The following HTR3B variants were observed in gnomAD, a reference collection of about 807,000 sequenced individuals.
The protein encoded by HTR3B is 5-hydroxytryptamine (serotonin) receptor 3B, ionotropic.
Under a neutral mutation model 42.8 loss-of-function variants are expected in HTR3B, and 44 were observed. The ratio of observed to expected loss-of-function variants is 1.03; its 90% CI spans 0.81 to 1.32. The LOEUF (loss-of-function observed/expected upper bound fraction) is 1.32. Ranked by LOEUF, HTR3B falls within the 40% of genes most tolerant of loss-of-function variation. The pLI is 0.00. For synonymous variants in HTR3B, 203 were observed against 209.0 expected (o/e 0.97, Z 0.25); for missense variants, 527 against 536.5 (o/e 0.98, Z 0.17).
rs745921648 is a variant in HTR3B, at chr11:113,946,175, G to GGA, written c.*46_*47dup. 1.8e-5 allele frequency: 27 copies of GGA among 1,482,030 alleles called. No individual in the cohort carries two copies. In the African/African-American group the frequency reaches 3.6e-4, roughly 20 times the overall value. 91.8% of individuals were successfully genotyped at this position (1,482,030 alleles called of 1,614,324 possible). Reference sequence around the variant, plus strand: ...TCTTCAGTAATTGTGCTGGCACTTAGGAGAGAGAGGAGGGGGAATAATAGT... The same window carrying GGA: ...TCTTCAGTAATTGTGCTGGCACTTAGGAGAGAGAGAGGAGGGGGAATAATAGT... On this transcript the variant is annotated 3_prime_UTR_variant, in exon 9 of 9. Transcript: ENST00000260191.
intron 2 of HTR3B, among the ~76,000 whole-genome samples, chr11:113,927,666 G>A (rs927099708): frequency 6.6e-6 from 1 of 151,628 alleles, no homozygotes; most frequent in Admixed American, 6.6e-5. Context: ...GGGTTCAAGC[G>A]ATTCTCCTAC....
chr11:113,899,113 A>G, the HTR3B span, among the ~76,000 whole-genome samples: 1 of 152,164 alleles, frequency 6.6e-6, no homozygotes, highest in African/African-American at 2.4e-5. Flanking sequence ...CTGGGACCTT[A>G]TATCTTATGC....
At chr11:113,936,734 C>T (rs1950095190) in intron 6 of HTR3B, among the ~76,000 whole-genome samples, 1 of 152,148 alleles carries the variant, frequency 6.6e-6, no homozygotes, top group Admixed American at 6.5e-5. Context: ...GTTGGGAATG[C>T]TGGGAGGGGC....
chr11:113,932,856 T>G, intron 5 of HTR3B, 80 bp from the exon 6 acceptor site: 1 of 1,443,986 alleles, frequency 6.9e-7, no homozygotes, highest in Non-Finnish European at 9.6e-7. Context: ...GAGGAAGGAT[T>G]CGAATTGGGA....
chr11:113,900,872 G>C (rs979979823), upstream of HTR3B, among the ~76,000 whole-genome samples: 1 of 152,100 alleles, frequency 6.6e-6, no homozygotes, highest in Non-Finnish European at 1.5e-5. Context: ...TGGAGAGAGA[G>C]AGAGAAGGGG....
intron 6 of HTR3B, among the ~76,000 whole-genome samples, chr11:113,938,927 G>A (rs935982452): frequency 1.3e-5 from 2 of 152,046 alleles, no homozygotes; most frequent in Non-Finnish European, 1.5e-5. Flanking sequence ...CCTGTGAGGC[G>A]GAGGTTGCAG....
chr11:113,921,060 A>C (rs951449359), intron 2 of HTR3B, among the ~76,000 whole-genome samples: 11 of 149,930 alleles, frequency 7.3e-5, no homozygotes, highest in Non-Finnish European at 1.6e-4. Context: ...TGATCCACCC[A>C]CCTCAGCCTC....
chr11:113,939,288 ACT>A (rs1336482255), intron 6 of HTR3B, among the ~76,000 whole-genome samples: 1 of 152,152 alleles, frequency 6.6e-6, no homozygotes, highest in African/African-American at 2.4e-5. Context: ...GCCTTCATTT[ACT>A]GTTGACATCC....
At chr11:113,918,335 A>G (rs1949877350) in intron 2 of HTR3B, among the ~76,000 whole-genome samples, 1 of 150,278 alleles carries the variant, frequency 6.7e-6, no homozygotes, top group Non-Finnish European at 1.5e-5. Context: ...GCTTTTTGTA[A>G]TCAGCACCAC....
chr11:113,925,927 T>C (rs1237295372), intron 2 of HTR3B, among the ~76,000 whole-genome samples: 1 of 152,206 alleles, frequency 6.6e-6, no homozygotes, highest in East Asian at 1.9e-4. Context: ...TCAGTGTTTT[T>C]TAGTATATTC....
chr11:113,909,775 G>A (rs1415836308), intron 2 of HTR3B, among the ~76,000 whole-genome samples: 7 of 152,032 alleles, frequency 4.6e-5, no homozygotes. Flanking sequence ...TTGAGCACAC[G>A]AGTTGGAGGC....
Position 113,931,377 on chromosome 11 carries a change from C to T in HTR3B, c.214-7C>T, listed in dbSNP as rs1950033576. On this transcript the variant is annotated splice_region_variant and splice_polypyrimidine_tract_variant and intron_variant, in intron 2 of 8. Coordinates refer to ENST00000260191, the MANE Select transcript of HTR3B (RefSeq NM_006028.5). ...GATTTGGAGTGGATTTTCTTTTTGC[C>T]TTGCAGGATGCAGAGAATCAAATAT... 11 of 1,596,782 alleles carry T rather than the reference C, an allele frequency of 6.9e-6. No homozygotes were observed. Among genetic ancestry groups the T allele is most frequent in the Non-Finnish European group, 9.4e-6 (11 of 1,170,698 alleles).
chr11:113,904,629 A>G (rs1401135888), upstream of HTR3B: 4 of 323,660 alleles, frequency 1.2e-5, no homozygotes, highest in Non-Finnish European at 2.3e-5. Flanking sequence ...CTCTTAGATT[A>G]CATTATTCAC....
rs1181939895 is a variant in HTR3B, at chr11:113,932,327, A to G, written c.407A>G (p.Tyr136Cys). ...IERYPDLPYV[Y>C]VNSSGTIENY... ...AGATACCCTGACCTTCCCTATGTTT[A>G]TGTGAACTCATCTGGGACCATTGAG... Residue 136 changes from tyrosine to cysteine, a missense_variant, in exon 5 of 9, where the codon TAT becomes TGT. Transcript: ENST00000260191. 5 of 1,613,414 alleles carry G rather than the reference A, an allele frequency of 3.1e-6. No homozygotes were observed. The highest frequency in any genetic ancestry group is 3.4e-6 in the Non-Finnish European group (4 of 1,179,522).
At position 113,946,245 on chromosome 11, in the gene HTR3B, A is replaced by G. The variant is rs1022830511; in HGVS notation, c.*108A>G. 2 of 830,930 alleles carry G rather than the reference A, an allele frequency of 2.4e-6. No homozygotes were observed. The highest frequency in any genetic ancestry group is 3.9e-6 in the Non-Finnish European group (2 of 514,496). The allele number at this position is 830,930 out of a possible 1,614,324, so 51.5% of individuals were successfully genotyped here. ...GTCGGGTGTGGTGGTTCTTGCCTAT[A>G]GTCCCAGTGCTTTGGGAGGCCATAG... On this transcript the variant is annotated 3_prime_UTR_variant, in exon 9 of 9. Transcript: ENST00000260191.
chr11:113,923,505 G>C (rs934196621), intron 2 of HTR3B, among the ~76,000 whole-genome samples: 1 of 152,206 alleles, frequency 6.6e-6, no homozygotes, highest in Admixed American at 6.5e-5. Flanking sequence ...CCATTGACTA[G>C]AGCCTCCCAG....
At chr11:113,915,194 G>T (rs4938055) in intron 2 of HTR3B, among the ~76,000 whole-genome samples, 9,093 of 148,194 alleles carry the variant, frequency 0.061, 299 homozygotes, top group Middle Eastern at 0.12. Context: ...TAATTTTTTT[G>T]TTTGTTTGTT....
Position 113,909,273 on chromosome 11 carries a change from A to T in HTR3B, c.53-22A>T, listed in dbSNP as rs1193824595. The T allele has an allele frequency of 1.9e-6, 3 of 1,601,710 alleles. No individual in the cohort carries two copies. In the East Asian group the frequency reaches 6.7e-5, roughly 36 times the overall value. ...CCAAGCTCCTCTTACTTTTATCTTC[A>T]CAATGATAGTTTATTTTCCAGGAAT... On this transcript the variant is annotated intron_variant, in intron 1 of 8. Coordinates refer to ENST00000260191, the MANE Select transcript of HTR3B (RefSeq NM_006028.5).
At chr11:113,916,447 T>G (rs949620786) in intron 2 of HTR3B, among the ~76,000 whole-genome samples, 1 of 152,254 alleles carries the variant, frequency 6.6e-6, no homozygotes, top group Non-Finnish European at 1.5e-5. Flanking sequence ...TTTTCATTAC[T>G]GTAGCATTAT....
Sources: allele counts gnomAD v4.1 joint callset (sites outside exome capture counted in the v4.1 genomes callset), GRCh38; gene constraint gnomAD v4.1.1; transcripts MANE v1.5; gene names NCBI Gene and HGNC (gene_info 2026-07-23, HGNC 2026-07-21).